PTPRN2: variants seen among roughly 807,000 people sequenced by gnomAD.
PTPRN2 encodes the protein receptor-type tyrosine-protein phosphatase N2.
In PTPRN2, 74 loss-of-function variants were observed where a neutral mutation model predicts 118.8. That is an observed-to-expected ratio of 0.62 (90% CI 0.52 to 0.76). The LOEUF (loss-of-function observed/expected upper bound fraction) is 0.76, where lower values mean the gene tolerates loss of function less well. Among genes scored for constraint, PTPRN2 ranks in the 30% least tolerant of loss-of-function variants. The pLI is 0.00. For missense variants in PTPRN2, 1,481 were observed against 1,394.4 expected (o/e 1.06, Z -0.99); for synonymous variants, 641 against 608.0 (o/e 1.05, Z -0.80).
intron 14 of PTPRN2, among the ~76,000 whole-genome samples, chr7:157,636,391 A>G (rs1442672083): frequency 6.6e-6 from 1 of 152,172 alleles, no homozygotes; most frequent in Non-Finnish European, 1.5e-5. Flanking sequence ...TCTTCTTGTA[A>G]TTTTGGTCTA....
At chr7:158,258,916 C>T (rs1586012931) in intron 3 of PTPRN2, among the ~76,000 whole-genome samples, 1 of 152,282 alleles carries the variant, frequency 6.6e-6, no homozygotes, top group Non-Finnish European at 1.5e-5. Context: ...GGTAGACACA[C>T]CGGCTAGGAG....
intron 12 of PTPRN2, among the ~76,000 whole-genome samples, chr7:157,742,969 G>A (rs1800718603): frequency 6.6e-6 from 1 of 152,190 alleles, no homozygotes; most frequent in African/African-American, 2.4e-5. Context: ...TGAACGTGAT[G>A]CATGATCCAA....
chr7:157,957,830 AC>A (rs1801280132), intron 11 of PTPRN2, among the ~76,000 whole-genome samples: 1 of 152,196 alleles, frequency 6.6e-6, no homozygotes, highest in Admixed American at 6.5e-5. Flanking sequence ...AAGGATTAGC[AC>A]CACTCCTCCT....
intron 11 of PTPRN2, among the ~76,000 whole-genome samples, chr7:157,971,776 C>T (rs546668185): frequency 2.0e-4 from 30 of 152,248 alleles, no homozygotes; most frequent in Middle Eastern, 3.4e-3. Flanking sequence ...CTGCCAGAGG[C>T]GACAATAGCT....
chr7:158,057,379 A>T (rs1325130309), intron 11 of PTPRN2, among the ~76,000 whole-genome samples: 1 of 152,198 alleles, frequency 6.6e-6, no homozygotes, highest in East Asian at 1.9e-4. Context: ...ATGAACTTCC[A>T]CGTTACAGGC....
At chr7:158,241,822 C>CT (rs1438979254) in intron 3 of PTPRN2, among the ~76,000 whole-genome samples, 2 of 152,104 alleles carry the variant, frequency 1.3e-5, no homozygotes, top group African/African-American at 4.8e-5. Context: ...ATCTTGGGAC[C>CT]TTTTTTAAGT....
intron 12 of PTPRN2, among the ~76,000 whole-genome samples, chr7:157,714,436 A>C (rs918096039): frequency 2.0e-5 from 3 of 152,172 alleles, no homozygotes; most frequent in African/African-American, 7.2e-5. Flanking sequence ...TGCTTGGCAG[A>C]ATTGAGGGAT....
intron 4 of PTPRN2, among the ~76,000 whole-genome samples, chr7:158,201,807 C>T (rs547464817): frequency 6.6e-6 from 1 of 152,276 alleles, no homozygotes; most frequent in Admixed American, 6.5e-5. Flanking sequence ...CCTGGAAGCC[C>T]CTGCTTTGAG....
rs531707826 is a variant in PTPRN2, at chr7:157,589,511, A to G, written c.2496+5727T>C. Among the ~76,000 whole-genome samples the G allele has an allele frequency of 2.6e-5, 4 of 152,298 alleles. No individual in the cohort carries two copies. In the South Asian group the frequency reaches 8.3e-4, roughly 32 times the overall value. ...GTACCCAAAGCCGCAGGGATCCAGG[A>G]GTGGACCATGGAGACCTGCCTCCTC... On this transcript the variant is annotated intron_variant, in intron 17 of 22. Transcript: ENST00000389418.
At chr7:158,342,191 GACGTCACTCACACCCACAC>G (rs1173748265) in intron 2 of PTPRN2, among the ~76,000 whole-genome samples, 1 of 134,712 alleles carries the variant, frequency 7.4e-6, no homozygotes, top group African/African-American at 2.9e-5. Flanking sequence ...GACGCCCACA[GACGTCACTCACACCCACAC>G]ACGTCACTCA....
At chr7:158,262,842 A>G (rs111162940) in intron 3 of PTPRN2, among the ~76,000 whole-genome samples, 2,995 of 145,162 alleles carry the variant, frequency 0.021, 106 homozygotes, top group African/African-American at 0.073. Context: ...CACACTACAC[A>G]CACATACATA....
chr7:158,038,556 A>G (rs1257631969), intron 11 of PTPRN2, among the ~76,000 whole-genome samples: 1 of 151,924 alleles, frequency 6.6e-6, no homozygotes, highest in African/African-American at 2.4e-5. Context: ...CTATATCTCT[A>G]TTTTTATAAC....
intron 2 of PTPRN2, among the ~76,000 whole-genome samples, chr7:158,330,131 C>T (rs13309626): frequency 6.9e-4 from 29 of 41,982 alleles, no homozygotes; most frequent in East Asian, 4.2e-3. Flanking sequence ...AGCTGACACC[C>T]GCAGACGTCA....
chr7:158,348,055 C>T (rs2151257208), intron 2 of PTPRN2, among the ~76,000 whole-genome samples: 1 of 152,200 alleles, frequency 6.6e-6, no homozygotes, highest in South Asian at 2.1e-4. Flanking sequence ...CAGGTGCAGG[C>T]CCTGACCCAT....
At chr7:157,805,282 T>C (rs928434457) in intron 12 of PTPRN2, among the ~76,000 whole-genome samples, 1 of 133,312 alleles carries the variant, frequency 7.5e-6, no homozygotes, top group African/African-American at 3.0e-5. Flanking sequence ...AAAAAATATA[T>C]ATACTCCTGT....
rs142408634 is a variant in PTPRN2, at chr7:158,428,145, T to A, written c.163+61590A>T. ...GATGAAACCAACAAGCCAATCCGAG[T>A]GTCTTTAAACTGGGGCCACGAATGA... On this transcript the variant is annotated intron_variant, in intron 2 of 22. Coordinates refer to ENST00000389418, the MANE Select transcript of PTPRN2 (RefSeq NM_002847.5). Among the ~76,000 whole-genome samples, 835 of 152,322 alleles carry A rather than the reference T, an allele frequency of 5.5e-3. 4 individuals are homozygous for A. Among genetic ancestry groups the A allele is most frequent in the African/African-American group, 0.019 (780 of 41,568 alleles).
chr7:157,978,854 C>T (rs931827397), intron 11 of PTPRN2, among the ~76,000 whole-genome samples: 3 of 152,018 alleles, frequency 2.0e-5, no homozygotes, highest in Non-Finnish European at 2.9e-5. Context: ...GGCTGACAGA[C>T]GAGACCCCAG....
rs1462897803 is a variant in PTPRN2, at chr7:157,787,104, G to A, written c.1789-104167C>T. ...GGACGCGGGGGTGGCTGCCCGGGAG[G>A]CGGACGCGGGTGCGGCGGGGGACGC... is the stretch of plus-strand genomic sequence containing the variant. On this transcript the variant is annotated intron_variant, in intron 12 of 22. Coordinates refer to ENST00000389418, the MANE Select transcript of PTPRN2 (RefSeq NM_002847.5). This position sits in a 1 kb window ranked among gnomAD's most constrained non-coding sequence, Gnocchi z 5.3. 7.8e-6 allele frequency among the ~76,000 whole-genome samples: 1 copy of A among 127,896 alleles called. No individual in the cohort carries two copies. The highest frequency in any genetic ancestry group is 2.1e-4 in the East Asian group (1 of 4,732). The allele number at this position is 127,896 out of a possible 152,430, so 83.9% of individuals were successfully genotyped here.
At chr7:158,131,071 ACAC>A (rs1818204757) in intron 9 of PTPRN2, among the ~76,000 whole-genome samples, 5 of 86,260 alleles carry the variant, frequency 5.8e-5, no homozygotes, top group African/African-American at 2.9e-4. Flanking sequence ...CCCAACACAC[ACAC>A]TTATACACAC....
Sources: gnomAD v4.1 joint callset for allele counts (sites outside exome capture counted in the v4.1 genomes callset) on GRCh38, gnomAD v4.1.1 for gene constraint, Gnocchi (gnomAD v3.1) non-coding constraint, MANE v1.5 for transcripts, NCBI Gene and HGNC (gene_info 2026-07-23, HGNC 2026-07-21) for gene names.